Variants in PCDHA9 observed in about 807,000 individuals in gnomAD.
PCDHA9 encodes the protein protocadherin alpha 9, also known as protocadherin alpha-9.
PCDHA9 carries 62 observed loss-of-function variants against 62.0 expected under a neutral mutation model. The observed-to-expected ratio is 1.00, with a 90% CI of 0.81 to 1.23. The LOEUF is 1.23. Ranked by LOEUF, PCDHA9 falls within the 50% of genes most tolerant of loss-of-function variation. The probability of loss-of-function intolerance (pLI) is 0.00; values close to 1 mark genes in which losing one functional copy is unlikely to be tolerated. For missense variants in PCDHA9, 1,205 were observed against 1,249.8 expected, an observed-to-expected ratio of 0.96 and a Z score of 0.54; for synonymous variants, 557 against 567.6, an observed-to-expected ratio of 0.98 and a Z score of 0.27.
chr5:140,996,130 G>A (rs1185857732), intron 3 of PCDHA9, among the ~76,000 whole-genome samples: 2 of 152,162 alleles, frequency 1.3e-5, no homozygotes, highest in African/African-American at 4.8e-5. Flanking sequence ...GGTGTAGAGG[G>A]TTCTCCCATT....
intron 1 of PCDHA9, chr5:140,875,905 T>C (rs1554168057): frequency 2.0e-5 from 32 of 1,614,104 alleles, no homozygotes; most frequent in Non-Finnish European, 1.6e-5. Flanking sequence ...TGTTTCTGAA[T>C]CTGCGCCTCT....
In PCDHA9 at chr5:140,857,359, G is replaced by C. The variant is rs200721411; in HGVS notation, c.2394+6470G>C. 31 of 1,598,398 alleles carry C rather than the reference G, an allele frequency of 1.9e-5. 2 individuals carry two copies. In the African/African-American group the frequency reaches 2.4e-4, roughly 12 times the overall value. The stretch of plus-strand genomic sequence containing the variant: ...GGGGCTCGCCTCCGCTGTGGGCCAC[G>C]GCCAGCGTGTCTGTGGAGGTGGCCG... On this transcript the variant is annotated intron_variant, in intron 1 of 3. Transcript: ENST00000532602.
chr5:140,950,738 T>C (rs900517873), intron 1 of PCDHA9, among the ~76,000 whole-genome samples: 5 of 152,150 alleles, frequency 3.3e-5, no homozygotes, highest in African/African-American at 7.2e-5. Flanking sequence ...TTAATCCTAA[T>C]TTCTCTCTAT....
In PCDHA9 at chr5:140,854,136, C is replaced by T. The variant is rs1341561455; in HGVS notation, c.2394+3247C>T. 15 of 398,606 alleles carry T rather than the reference C, an allele frequency of 3.8e-5. 1 individual carries two copies. The highest frequency in any genetic ancestry group is 1.0e-4 in the South Asian group (1 of 9,692). 24.7% of individuals were successfully genotyped at this position (398,606 alleles called of 1,614,324 possible). ...GTGATGGCACAACTGCATTTCAGCCCGGGTGACAGCAAGATTCTGTCTCAA... is the reference window on the plus strand; with the variant it reads ...GTGATGGCACAACTGCATTTCAGCCTGGGTGACAGCAAGATTCTGTCTCAA... On this transcript the variant is annotated intron_variant, in intron 1 of 3. Transcript: ENST00000532602.
intron 1 of PCDHA9, chr5:140,852,586 T>TA (rs1469930347): frequency 1.0e-5 from 9 of 878,452 alleles, no homozygotes; most frequent in Non-Finnish European, 1.1e-5. Flanking sequence ...TTTTTTATTT[T>TA]TTTTTTTTGT....
At chr5:140,950,778 G>C (rs537312607) in intron 1 of PCDHA9, among the ~76,000 whole-genome samples, 3 of 152,030 alleles carry the variant, frequency 2.0e-5, no homozygotes, top group Admixed American at 1.3e-4. Flanking sequence ...CATACATATG[G>C]TACTTTTTAA....
chr5:140,927,980 G>A, intron 1 of PCDHA9: 2 of 1,614,220 alleles, frequency 1.2e-6, no homozygotes, highest in Non-Finnish European at 1.7e-6. Flanking sequence ...GCTCTCTTTA[G>A]TGTAAAGGAT....
At chr5:140,967,870 G>T in intron 1 of PCDHA9, 1 of 1,614,152 alleles carries the variant, frequency 6.2e-7, no homozygotes, top group Non-Finnish European at 8.5e-7. Flanking sequence ...TGGTGCTCAC[G>T]GACCTGTATA....
chr5:140,884,209 T>G (rs1159344104), intron 1 of PCDHA9: 6 of 1,613,276 alleles, frequency 3.7e-6, no homozygotes, highest in Non-Finnish European at 3.4e-6. Context: ...ACCACCGCCT[T>G]CTGGTGCTGG....
In PCDHA9 at chr5:140,876,715, C is replaced by G. The variant is rs570565884; in HGVS notation, c.2394+25826C>G. 3.1e-5 allele frequency: 50 copies of G among 1,614,234 alleles called. No homozygotes were observed. The highest frequency in any genetic ancestry group is 3.3e-4 in the Middle Eastern group (2 of 6,062). On this transcript the variant is annotated intron_variant, in intron 1 of 3. Coordinates refer to ENST00000532602, the MANE Select transcript of PCDHA9 (RefSeq NM_031857.2). ...GTTGGTGCTGGACAGCGCCCTGGAC[C>G]GCGAGAGCGTGTCGGCCTATGAGCT...
At chr5:140,902,514 T>C (rs1288692863) in intron 1 of PCDHA9, among the ~76,000 whole-genome samples, 1 of 152,128 alleles carries the variant, frequency 6.6e-6, no homozygotes, top group Non-Finnish European at 1.5e-5. Flanking sequence ...CTGTCATATA[T>C]GGTTTTTATT....
In PCDHA9 at chr5:140,869,699, C is replaced by A. The variant is rs10071369; in HGVS notation, c.2394+18810C>A. On this transcript the variant is annotated intron_variant, in intron 1 of 3. Transcript: ENST00000532602. ...AGACTGTCACTTATTTTAAAGAAGTCTCTGGATAGAGAGAAAACTCCGGAA... is the reference window on the plus strand; with the variant it reads ...AGACTGTCACTTATTTTAAAGAAGTATCTGGATAGAGAGAAAACTCCGGAA... 1,310 of 1,613,374 alleles carry A rather than the reference C, an allele frequency of 8.1e-4. 10 individuals carry two copies. In the African/African-American group the frequency reaches 0.014, roughly 18 times the overall value.
At chr5:140,906,813 A>G (rs1287106484) in intron 1 of PCDHA9, among the ~76,000 whole-genome samples, 4 of 152,042 alleles carry the variant, frequency 2.6e-5, no homozygotes, top group African/African-American at 4.8e-5. Flanking sequence ...CCTTACCTCC[A>G]CTGTGGAGTA....
At chr5:140,918,510 A>G (rs1224635164) in intron 1 of PCDHA9, among the ~76,000 whole-genome samples, 1 of 152,144 alleles carries the variant, frequency 6.6e-6, no homozygotes, top group Non-Finnish European at 1.5e-5. Flanking sequence ...ATCCTTTTAA[A>G]CTTATTGAGG....
At chr5:140,944,407 G>A (rs1384591675) in intron 1 of PCDHA9, among the ~76,000 whole-genome samples, 2 of 152,036 alleles carry the variant, frequency 1.3e-5, no homozygotes, top group East Asian at 1.9e-4. Context: ...GGCTGGTCTC[G>A]AACTCCTGAT....
At chr5:141,009,036 T>C (rs782309668) in intron 3 of PCDHA9, among the ~76,000 whole-genome samples, 7 of 152,242 alleles carry the variant, frequency 4.6e-5, no homozygotes, top group Non-Finnish European at 1.0e-4. Context: ...TCCCATCCCG[T>C]TCCCAGTCAA....
intron 1 of PCDHA9, chr5:140,868,917 AAGTT>A: frequency 1.0e-6 from 1 of 955,956 alleles, no homozygotes; most frequent in Non-Finnish European, 1.5e-6. Flanking sequence ...ACTTGGTGGA[AAGTT>A]CATTTAAAGG....
At chr5:140,866,823 A>G (rs1375177663) in intron 1 of PCDHA9, 1 of 152,130 alleles carries the variant, frequency 6.6e-6, no homozygotes, top group Non-Finnish European at 1.5e-5. Context: ...TTAATCTTCA[A>G]TTGATTTTAC....
intron 1 of PCDHA9, among the ~76,000 whole-genome samples, chr5:140,919,297 G>C (rs1351756549): frequency 6.6e-6 from 1 of 152,120 alleles, no homozygotes; most frequent in African/African-American, 2.4e-5. Context: ...GTTGCTGTTT[G>C]TACAATATAT....
Sources: allele counts gnomAD v4.1 joint callset (sites outside exome capture counted in the v4.1 genomes callset), GRCh38; gene constraint gnomAD v4.1.1; transcripts MANE v1.5; gene names NCBI Gene and HGNC (gene_info 2026-07-23, HGNC 2026-07-21).